SSBP4: variants seen among roughly 807,000 people sequenced by gnomAD.
SSBP4 encodes single stranded DNA binding protein 4.
A neutral mutation model predicts 64.6 loss-of-function variants in SSBP4; 33 were observed. The observed-to-expected ratio is 0.51, with a 90% CI of 0.39 to 0.68. The LOEUF (loss-of-function observed/expected upper bound fraction) is 0.68, where lower values mean the gene tolerates loss of function less well. Among genes scored for constraint, SSBP4 ranks in the 30% least tolerant of loss-of-function variants. SSBP4 has a pLI of 0.00. For synonymous variants in SSBP4, 243 were observed against 224.0 expected (o/e 1.08, Z -0.76); for missense variants, 583 against 566.8 (o/e 1.03, Z -0.29).
At chr19:18,429,255 G>T (rs1284805902) in intron 4 of SSBP4, among the ~76,000 whole-genome samples, 2 of 151,966 alleles carry the variant, frequency 1.3e-5, no homozygotes, top group South Asian at 2.1e-4. Context: ...GGCGGGGGGG[G>T]CTCTGTTCGC....
At chr19:18,431,588 G>T in intron 6 of SSBP4, 59 bp from the exon 7 acceptor site, 1 of 1,512,390 alleles carries the variant, frequency 6.6e-7, no homozygotes, top group South Asian at 1.2e-5. Flanking sequence ...AGCAGGAATG[G>T]GGTAGCTTTG....
At chr19:18,419,391 AGC>A (rs1398774572), upstream of SSBP4, 146 of 1,025,636 alleles carry the variant, frequency 1.4e-4, no homozygotes, top group Middle Eastern at 9.3e-4. Context: ...GGAGGAGGGG[AGC>A]GCGCGTTTCC....
chr19:18,432,634 G>GC (rs768386222), intron 11 of SSBP4, 30 bp downstream of exon 11: 56 of 1,555,386 alleles, frequency 3.6e-5, no homozygotes, highest in Non-Finnish European at 4.5e-5. Context: ...GGCAGGCTTG[G>GC]GGTGGGGTGG....
chr19:18,411,687 C>T, the SSBP4 span, among the ~76,000 whole-genome samples: 1 of 152,090 alleles, frequency 6.6e-6, no homozygotes, highest in Non-Finnish European at 1.5e-5. Flanking sequence ...GGTGGGATGA[C>T]CTGGATGCAT....
At chr19:18,433,852 C>A (rs1366814349) in intron 17 of SSBP4, 35 bp downstream of exon 17, 1 of 1,244,338 alleles carries the variant, frequency 8.0e-7, no homozygotes, top group Admixed American at 5.8e-5. Context: ...CCCGCGGCGG[C>A]GTCGGGCCGG....
upstream of SSBP4, among the ~76,000 whole-genome samples, chr19:18,415,781 C>G (rs1389481062): frequency 6.6e-6 from 1 of 152,164 alleles, no homozygotes; most frequent in Non-Finnish European, 1.5e-5. Flanking sequence ...GGTGAGGGTA[C>G]AGTCGGCCCC....
intron 11 of SSBP4, 44 bp downstream of exon 11, chr19:18,432,648 G>A: frequency 8.1e-7 from 1 of 1,241,314 alleles, no homozygotes; most frequent in Non-Finnish European, 1.1e-6. Flanking sequence ...GGGGTGGGAG[G>A]GACACTGGGT....
chr19:18,429,235 G>A (rs1973127945), intron 4 of SSBP4, among the ~76,000 whole-genome samples: 1 of 152,072 alleles, frequency 6.6e-6, no homozygotes. Context: ...CCTCCGAGGC[G>A]GGGGAGGGGG....
Position 18,433,571 on chromosome 19 carries a change from G to A in SSBP4, c.992-14G>A. 6.5e-7 allele frequency: 1 copy of A among 1,546,120 alleles called. No homozygotes were observed. The highest frequency in any genetic ancestry group is 2.5e-5 in the East Asian group (1 of 40,276). Reference sequence around the variant, plus strand: ...CACGTCTGAGCCGGTGCCCGTGTCTGTCCGTGTCTGTAGGCTCGGGCGACA... The same window carrying A: ...CACGTCTGAGCCGGTGCCCGTGTCTATCCGTGTCTGTAGGCTCGGGCGACA... On this transcript the variant is annotated splice_polypyrimidine_tract_variant and intron_variant, in intron 15 of 17. Transcript: ENST00000270061.
intron 1 of SSBP4, among the ~76,000 whole-genome samples, chr19:18,422,522 C>A (rs779500151): frequency 6.6e-6 from 1 of 152,170 alleles, no homozygotes; most frequent in Non-Finnish European, 1.5e-5. Context: ...GCCAGATGGC[C>A]GCATGCACCC....
chr19:18,407,127 TC>T, the SSBP4 span, among the ~76,000 whole-genome samples: 6 of 151,928 alleles, frequency 3.9e-5, no homozygotes, highest in African/African-American at 1.5e-4. Context: ...GACCTCTGCC[TC>T]CCGGGTTCAA....
At position 18,423,987 on chromosome 19, in the gene SSBP4, T is replaced by C. The variant is rs1268244118; in HGVS notation, c.60-3364T>C. On this transcript the variant is annotated intron_variant, in intron 1 of 17. Coordinates refer to ENST00000270061, the MANE Select transcript of SSBP4 (RefSeq NM_032627.5). The surrounding 1 kb of genome is among the most constrained non-coding windows in gnomAD (Gnocchi z 4.0). ...CCAGACCTGGCCCCCGGAGCAGTCC[T>C]CTGGGAGGGGAGGACCTTGTAGGTC... Among the ~76,000 whole-genome samples the C allele has an allele frequency of 6.6e-6, 1 of 152,142 alleles. No homozygotes were observed.
At chr19:18,415,204 G>A (rs1249921782), upstream of SSBP4, among the ~76,000 whole-genome samples, 2 of 152,184 alleles carry the variant, frequency 1.3e-5, no homozygotes, top group Non-Finnish European at 2.9e-5. Flanking sequence ...GTCTCCTAGC[G>A]CAGACCCGGC....
At chr19:18,431,765 AC>A in intron 7 of SSBP4, 27 bp from the exon 8 acceptor site, 1 of 1,531,552 alleles carries the variant, frequency 6.5e-7, no homozygotes, top group Non-Finnish European at 8.8e-7. Flanking sequence ...AGCACCCCAC[AC>A]TCAGTGCCGC....
chr19:18,407,666 C>T, the SSBP4 span, among the ~76,000 whole-genome samples: 3 of 149,068 alleles, frequency 2.0e-5, no homozygotes, highest in East Asian at 2.0e-4. Context: ...CTCCTGACCT[C>T]GTGATCCACC....
At chr19:18,414,088 C>T (rs1269916328), upstream of SSBP4, among the ~76,000 whole-genome samples, 3 of 152,202 alleles carry the variant, frequency 2.0e-5, no homozygotes, top group Non-Finnish European at 2.9e-5. Context: ...GTAGCAGAAG[C>T]TGGCGGTGGG....
the SSBP4 span, among the ~76,000 whole-genome samples, chr19:18,408,771 G>T: frequency 1.3e-5 from 2 of 151,172 alleles, no homozygotes; most frequent in Non-Finnish European, 2.9e-5. Context: ...GATTACAGTC[G>T]TGAGCCACCG....
Position 18,419,620 on chromosome 19 carries a change from G to C in SSBP4, c.-29G>C, listed in dbSNP as rs1411044674. 1.6e-6 allele frequency: 2 copies of C among 1,263,554 alleles called. No homozygotes were observed. Among genetic ancestry groups the C allele is most frequent in the East Asian group, 7.4e-5 (2 of 27,128 alleles). The allele number at this position is 1,263,554 out of a possible 1,614,324, so 78.3% of individuals were successfully genotyped here. ...GCCCGCGGCGCCGCCTGACAGGTGT[G>C]GGCCCCGGCGGCGGCGGCGTGGAGC... is the stretch of plus-strand genomic sequence containing the variant. On this transcript the variant is annotated 5_prime_UTR_variant, in exon 1 of 18. Coordinates refer to ENST00000270061, the MANE Select transcript of SSBP4 (RefSeq NM_032627.5).
chr19:18,433,846 C>A (rs1973744530), intron 17 of SSBP4, 29 bp downstream of exon 17: 1 of 1,318,778 alleles, frequency 7.6e-7, no homozygotes, highest in South Asian at 1.6e-5. Flanking sequence ...TCCCCCCCCG[C>A]GGCGGCGTCG....
Sources: allele counts gnomAD v4.1 joint callset (sites outside exome capture counted in the v4.1 genomes callset), GRCh38; gene constraint gnomAD v4.1.1; non-coding constraint Gnocchi (gnomAD v3.1); transcripts MANE v1.5; gene names NCBI Gene and HGNC (gene_info 2026-07-23, HGNC 2026-07-21).